Variants in ABCA1 observed in about 807,000 individuals in gnomAD.
ABCA1 encodes the protein ATP binding cassette subfamily A member 1.
ABCA1 carries 133 observed loss-of-function variants against 262.5 expected under a neutral mutation model. The ratio of observed to expected loss-of-function variants is 0.51; its 90% CI spans 0.44 to 0.59. The LOEUF is 0.59. Ranked by LOEUF, ABCA1 falls within the 20% of genes least tolerant of loss-of-function variation. The probability of loss-of-function intolerance (pLI) is 0.00; values close to 1 mark genes in which losing one functional copy is unlikely to be tolerated. For missense variants in ABCA1, 2,452 were observed against 2,777.5 expected (o/e 0.88, Z 2.63); for synonymous variants, 1,022 against 1,043.5 (o/e 0.98, Z 0.40).
In ABCA1 at chr9:104,821,502, T is replaced by C. The variant is rs1564130744; in HGVS notation, c.2833A>G (p.Ile945Val). Residue 945 changes from isoleucine to valine, a missense_variant, in exon 20 of 50, where the codon ATC becomes GTC. Physicochemically the swap from Ile to Val is conservative, Grantham distance 29 (BLOSUM62 3). Coordinates refer to ENST00000374736, the MANE Select transcript of ABCA1 (RefSeq NM_005502.4). ...NGAGKTTTMS[I>V]LTGLFPPTSG... ...GTCGGGGGGAACAACCCGGTCAGGA[T>C]TGACCTGAGGACAAAAATTTAGAAG... The C allele has an allele frequency of 6.8e-6, 11 of 1,613,842 alleles. No individual in the cohort carries two copies. The highest frequency in any genetic ancestry group is 2.2e-5 in the East Asian group (1 of 44,862).
intron 2 of ABCA1, among the ~76,000 whole-genome samples, chr9:104,903,140 A>G (rs1840802216): frequency 6.6e-6 from 1 of 152,170 alleles, no homozygotes; most frequent in Non-Finnish European, 1.5e-5. Context: ...GAAATAAAAC[A>G]AGTCTCAGTT....
chr9:104,879,275 TTTATTGGGAATCTAC>T (rs1838422921), intron 5 of ABCA1, among the ~76,000 whole-genome samples: 2 of 152,288 alleles, frequency 1.3e-5, no homozygotes, highest in Middle Eastern at 6.8e-3. Flanking sequence ...CTGGCTCTCA[TTTATTGGGAATCTAC>T]TATGTGCCAG....
chr9:104,903,533 TC>T (rs1840837566), intron 2 of ABCA1, 80 bp downstream of exon 2: 1 of 1,364,416 alleles, frequency 7.3e-7, no homozygotes, highest in South Asian at 1.2e-5. Context: ...CTTCCTTCCC[TC>T]CCTCCCTCCT....
chr9:104,799,731 C>A, intron 36 of ABCA1, 88 bp downstream of exon 36: 1 of 1,612,382 alleles, frequency 6.2e-7, no homozygotes, highest in South Asian at 1.1e-5. Flanking sequence ...TGCAGCTGTT[C>A]CCCTACAATG....
chr9:104,809,023 G>A (rs538302824), intron 30 of ABCA1, among the ~76,000 whole-genome samples: 1 of 152,304 alleles, frequency 6.6e-6, no homozygotes, highest in African/African-American at 2.4e-5. Flanking sequence ...AATTTGAGAA[G>A]AAGAAAGTGT....
At position 104,832,005 on chromosome 9, in the gene ABCA1, T is replaced by C. The variant is rs116581454; in HGVS notation, c.1510-178A>G. ...AGAATGAAGGATTTTGGTTTTTCAC[T>C]GCAATTTAAGAGAAATTCTAAGAGT... is the stretch of plus-strand genomic sequence containing the variant. On this transcript the variant is annotated intron_variant, in intron 12 of 49. Transcript: ENST00000374736. Among the ~76,000 whole-genome samples the C allele has an allele frequency of 0.025, 3,798 of 152,296 alleles. 153 individuals are homozygous for C. The highest frequency in any genetic ancestry group is 0.084 in the African/African-American group (3,475 of 41,546).
At chr9:104,801,481 A>C (rs1330570849) in intron 34 of ABCA1, among the ~76,000 whole-genome samples, 1 of 150,658 alleles carries the variant, frequency 6.6e-6, no homozygotes, top group African/African-American at 2.4e-5. Flanking sequence ...CGGCATCCCA[A>C]AATGCTGGGA....
chr9:104,839,314 T>C (rs1834149704), intron 9 of ABCA1, among the ~76,000 whole-genome samples: 1 of 152,174 alleles, frequency 6.6e-6, no homozygotes, highest in Admixed American at 6.5e-5. Flanking sequence ...ACAGTTATCT[T>C]AGAGAGCACA....
intron 1 of ABCA1, among the ~76,000 whole-genome samples, chr9:104,924,663 A>C (rs1336876863): frequency 6.6e-6 from 1 of 152,204 alleles, no homozygotes; most frequent in Non-Finnish European, 1.5e-5. Flanking sequence ...TTAGAAATGC[A>C]AAAACCACAT....
intron 39 of ABCA1, among the ~76,000 whole-genome samples, chr9:104,794,795 T>A (rs1359493283): frequency 6.6e-6 from 1 of 152,154 alleles, no homozygotes; most frequent in African/African-American, 2.4e-5. Flanking sequence ...TAGATTTAAT[T>A]AAAGCAAATC....
At chr9:104,850,836 T>A (rs796702379) in intron 7 of ABCA1, among the ~76,000 whole-genome samples, 1 of 152,192 alleles carries the variant, frequency 6.6e-6, no homozygotes, top group Admixed American at 6.5e-5. Context: ...TGAACTCACA[T>A]AGGTCTCCAT....
intron 2 of ABCA1, among the ~76,000 whole-genome samples, chr9:104,903,339 G>A (rs567716613): frequency 6.6e-6 from 1 of 152,280 alleles, no homozygotes; most frequent in South Asian, 2.1e-4. Context: ...GGTGCTCAGG[G>A]GCGATTCGGA....
chr9:104,795,829 A>T (rs1013073686), intron 39 of ABCA1, among the ~76,000 whole-genome samples: 3 of 152,192 alleles, frequency 2.0e-5, no homozygotes, highest in African/African-American at 7.2e-5. Context: ...GAAAGAAGTA[A>T]AAAAAACTGT....
At chr9:104,814,555 T>A in intron 25 of ABCA1, 80 bp from the exon 26 acceptor site, 1 of 1,330,606 alleles carries the variant, frequency 7.5e-7, no homozygotes, top group Non-Finnish European at 1.1e-6. Context: ...ATTATATTAC[T>A]GAGTGGCATG....
chr9:104,905,177 G>A (rs1841017451), intron 1 of ABCA1, among the ~76,000 whole-genome samples: 1 of 152,182 alleles, frequency 6.6e-6, no homozygotes, highest in Non-Finnish European at 1.5e-5. Context: ...GTAGGGGCAA[G>A]GGTAGGGTGG....
chr9:104,848,127 G>A (rs1835056225), intron 7 of ABCA1, among the ~76,000 whole-genome samples: 1 of 152,132 alleles, frequency 6.6e-6, no homozygotes, highest in Non-Finnish European at 1.5e-5. Flanking sequence ...TACAGCAGTG[G>A]TATAGCTTCC....
chr9:104,824,060 G>C lies in ABCA1; in HGVS notation c.2656+405C>G, dbSNP rs556085376. ...GAAGCATAGGCTGAGCTCTGTGGTA[G>C]CCACTTGGTCTCAGCCCACACAGGC... is the stretch of plus-strand genomic sequence containing the variant. On this transcript the variant is annotated intron_variant, in intron 18 of 49. Transcript: ENST00000374736. Among the ~76,000 whole-genome samples, 63 of 152,338 alleles carry C rather than the reference G, an allele frequency of 4.1e-4. 1 individual carries two copies. In the South Asian group the frequency reaches 0.013, roughly 32 times the overall value.
At position 104,862,639 on chromosome 9, in the gene ABCA1, C is replaced by CGGGCAGCGCCGGGCA. The variant is rs1564197760; in HGVS notation, c.422-840_422-839insTGCCCGGCGCTGCCC. Among the ~76,000 whole-genome samples the CGGGCAGCGCCGGGCA allele has an allele frequency of 2.6e-3, 14 of 5,392 alleles. 5 individuals are homozygous for CGGGCAGCGCCGGGCA. Among genetic ancestry groups the CGGGCAGCGCCGGGCA allele is most frequent in the South Asian group, 0.022 (2 of 92 alleles). The allele number at this position is 5,392 out of a possible 152,430, so 3.5% of individuals were successfully genotyped here. Reference sequence around the variant, plus strand: ...CTTGTTAAAATGCAGACTGCCGGGCCGGGCCGGGCCGGGCCGGGCCGGGCC... The same window carrying CGGGCAGCGCCGGGCA: ...CTTGTTAAAATGCAGACTGCCGGGCCGGGCAGCGCCGGGCAGGGCCGGGCCGGGCCGGGCCGGGCC... On this transcript the variant is annotated intron_variant, in intron 5 of 49. Coordinates refer to ENST00000374736, the MANE Select transcript of ABCA1 (RefSeq NM_005502.4).
chr9:104,796,346 T>C lies in ABCA1; in HGVS notation c.5200A>G (p.Asn1734Asp). The C allele has an allele frequency of 6.2e-7, 1 of 1,614,240 alleles. No homozygotes were observed. Among genetic ancestry groups the C allele is most frequent in the Non-Finnish European group, 8.5e-7 (1 of 1,180,034 alleles). ...AGTAGAAGGGCTAGCACAGGCAGAT[T>C]GGTGGAGGACACATAGGACTTCTGC... ...FQQKSYVSST[N>D]LPVLALLLLL... The change falls in exon 38 of 50, where the codon AAT (asparagine) becomes GAT (aspartate). Residue 1734 changes from asparagine to aspartate, a missense_variant. By Grantham distance (23) the Asn-to-Asp change is conservative (BLOSUM62 1). Around this residue, in one of 4 missense-constraint regions of ABCA1, gnomAD observed 752 missense variants for 944.5 expected, o/e 0.80. Transcript: ENST00000374736.
Sources: gnomAD v4.1 joint callset for allele counts (sites outside exome capture counted in the v4.1 genomes callset) on GRCh38, gnomAD v4.1.1 for gene constraint, gnomAD v4.1.1 regional missense constraint, MANE v1.5 for transcripts, NCBI Gene and HGNC (gene_info 2026-07-23, HGNC 2026-07-21) for gene names.